PRPF8: variants seen among roughly 807,000 people sequenced by gnomAD.
PRPF8 encodes pre-mRNA processing factor 8, also known as pre-mRNA-processing-splicing factor 8.
Under a neutral mutation model 285.9 loss-of-function variants are expected in PRPF8, and 64 were observed. The ratio of observed to expected loss-of-function variants is 0.22; its 90% confidence interval spans 0.18 to 0.28. The LOEUF is 0.28. Ranked by LOEUF, PRPF8 falls within the 10% of genes least tolerant of loss-of-function variation. PRPF8 has a pLI of 1.00. For synonymous variants in PRPF8, 1,325 were observed against 1,118.2 expected, an observed-to-expected ratio of 1.18 and a Z score of -3.69; for missense variants, 1,426 against 3,026.7, an observed-to-expected ratio of 0.47 and a Z score of 12.41.
In PRPF8 at chr17:1,658,489, C is replaced by T. The variant is rs533051288; in HGVS notation, c.5376+37G>A. The stretch of plus-strand genomic sequence containing the variant: ...CCCATTACTCTCCCACAGCCATGTA[C>T]AGAGTCCCGCACCTATACACTGCTG... On this transcript the variant is annotated intron_variant, in intron 33 of 42. Transcript: ENST00000304992. The surrounding 1 kb of genome is among the most constrained non-coding windows in gnomAD (Gnocchi z 4.1). 27 of 1,611,470 alleles carry T rather than the reference C, an allele frequency of 1.7e-5. No individual in the cohort carries two copies. Among genetic ancestry groups the T allele is most frequent in the Non-Finnish European group, 2.2e-5 (26 of 1,177,724 alleles).
At chr17:1,684,420 C>T in intron 2 of PRPF8, 52 bp downstream of exon 2, 2 of 1,595,050 alleles carry the variant, frequency 1.3e-6, no homozygotes, top group Non-Finnish European at 1.7e-6. Context: ...CCTGCGCGCG[C>T]GCACACCCGC....
intron 24 of PRPF8, among the ~76,000 whole-genome samples, chr17:1,671,904 T>C (rs950302183): frequency 3.4e-5 from 5 of 149,118 alleles, no homozygotes; most frequent in South Asian, 2.1e-4. Flanking sequence ...TGGTGGCGTA[T>C]GCACCTGTGG....
At position 1,661,634 on chromosome 17, in the gene PRPF8, C is replaced by T. The variant is rs1127260; in HGVS notation, c.4179G>A (p.Arg1393=). Residue 1393 remains arginine, a synonymous_variant, in exon 26 of 43, where the codon AGG becomes AGA. Coordinates refer to ENST00000304992, the MANE Select transcript of PRPF8 (RefSeq NM_006445.4). This position sits in a 1 kb window ranked among gnomAD's most constrained non-coding sequence, Gnocchi z 7.3. ...QRVWAEYALK[R]QEAIAQNRRL... ...ACCTGTTCTGAGCAATGGCCTCTTG[C>T]CTCTTGAGTGCGTACTCAGCCCAGA... The T allele has an allele frequency of 6.2e-7, 1 of 1,613,560 alleles. No individual in the cohort carries two copies. The highest frequency in any genetic ancestry group is 8.5e-7 in the Non-Finnish European group (1 of 1,180,040).
Position 1,679,622 on chromosome 17 carries a change from G to C in PRPF8, c.1276C>G (p.Leu426Val), listed in dbSNP as rs952884721. The C allele has an allele frequency of 1.9e-6, 3 of 1,613,540 alleles. No homozygotes were observed. The highest frequency in any genetic ancestry group is 1.7e-6 in the Non-Finnish European group (2 of 1,180,010). ...GAAAAACCTTACCAGTTCTTGACAA[G>C]GGGTATGTCCAGGGCCCGACGGGTG... ...GRTRRALDIPLVKNWYREHCP... is the reference protein window; with the variant it reads ...GRTRRALDIPVVKNWYREHCP... The change falls in exon 9 of 43, where the codon CTT (leucine) becomes GTT (valine). Residue 426 changes from leucine to valine, a missense_variant. By Grantham distance (32) the Leu-to-Val change is conservative. Coordinates refer to ENST00000304992, the MANE Select transcript of PRPF8 (RefSeq NM_006445.4). This position sits in a 1 kb window ranked among gnomAD's most constrained non-coding sequence, Gnocchi z 4.7.
chr17:1,658,980 A>C lies in PRPF8; in HGVS notation c.5139-217T>G. ...AAGTAAAAAAGTATGACTACGTTAA[A>C]GTATGGAGCTAATGGAAAATACACG... On this transcript the variant is annotated intron_variant, in intron 32 of 42. Coordinates refer to ENST00000304992, the MANE Select transcript of PRPF8 (RefSeq NM_006445.4). This position sits in a 1 kb window ranked among gnomAD's most constrained non-coding sequence, Gnocchi z 4.1. 1 of 670,564 alleles carries C rather than the reference A, an allele frequency of 1.5e-6. No homozygotes were observed. Among genetic ancestry groups the C allele is most frequent in the Non-Finnish European group, 2.7e-6 (1 of 371,136 alleles). 41.5% of individuals were successfully genotyped at this position (670,564 alleles called of 1,614,324 possible). A position where few individuals can be genotyped will look rare whatever the true frequency, so the allele number is the denominator to read the frequency against.
chr17:1,663,636 G>A (rs999894712), intron 24 of PRPF8, among the ~76,000 whole-genome samples: 2 of 146,596 alleles, frequency 1.4e-5, no homozygotes, highest in African/African-American at 5.1e-5. Context: ...TTGAACTCGG[G>A]AGGCAGAGGT....
rs1911532159 is a variant in PRPF8 at position 1,658,873 on chromosome 17, ACT to A, written c.5139-112_5139-111del. The A allele has an allele frequency of 1.1e-6, 1 of 947,052 alleles. No homozygotes were observed. Among genetic ancestry groups the A allele is most frequent in the Non-Finnish European group, 1.7e-6 (1 of 587,828 alleles). 58.7% of individuals were successfully genotyped at this position (947,052 alleles called of 1,614,324 possible). ...AAAGACTGTTCGCCAGGCTGACAACACTCTGCTCATGTGTACATACAGGCTGG... is the reference window on the plus strand; with the variant it reads ...AAAGACTGTTCGCCAGGCTGACAACACTGCTCATGTGTACATACAGGCTGG... On this transcript the variant is annotated intron_variant, in intron 32 of 42. Coordinates refer to ENST00000304992, the MANE Select transcript of PRPF8 (RefSeq NM_006445.4). The surrounding 1 kb of genome is among the most constrained non-coding windows in gnomAD (Gnocchi z 4.1).
chr17:1,674,739 G>A (rs1912521075), intron 20 of PRPF8, 59 bp from the exon 21 acceptor site: 2 of 1,531,770 alleles, frequency 1.3e-6, no homozygotes, highest in Non-Finnish European at 1.8e-6. Context: ...ATTCTCCAGA[G>A]TTAACCTCTT....
chr17:1,665,321 C>T (rs547563150), intron 24 of PRPF8, among the ~76,000 whole-genome samples: 109 of 151,490 alleles, frequency 7.2e-4, no homozygotes, highest in Admixed American at 3.4e-3. Flanking sequence ...GGGTGGATCA[C>T]GAGGTCAGGA....
rs376598335 is a variant in PRPF8 at position 1,673,246 on chromosome 17, C to T, written c.3658-49G>A. On this transcript the variant is annotated intron_variant, in intron 23 of 42. Transcript: ENST00000304992. The surrounding 1 kb of genome is among the most constrained non-coding windows in gnomAD (Gnocchi z 5.5). ...CATGTCCGAGGAACTCCCACAGAAG[C>T]AAGAGCCAACTGTGCCCACCACTCA... 1.2e-5 allele frequency: 20 copies of T among 1,605,882 alleles called. No homozygotes were observed. Among genetic ancestry groups the T allele is most frequent in the Non-Finnish European group, 1.6e-5 (19 of 1,172,814 alleles).
chr17:1,684,379 G>A, intron 2 of PRPF8, 93 bp downstream of exon 2: 8 of 1,248,380 alleles, frequency 6.4e-6, no homozygotes, highest in Non-Finnish European at 9.4e-6. Context: ...GACACCTCAG[G>A]AGCTGCCCAA....
Position 1,674,495 on chromosome 17 carries a change from G to A in PRPF8, c.3246C>T (p.Ala1082=). 1 of 1,614,130 alleles carries A rather than the reference G, an allele frequency of 6.2e-7. No individual in the cohort carries two copies. The highest frequency in any genetic ancestry group is 8.5e-7 in the Non-Finnish European group (1 of 1,180,022). The part of the protein sequence containing the change: ...LSFQDIATEA[A]HPIRLFCRYI... Reference sequence around the variant, plus strand: ...ATCTGCAGAAGAGACGGATGGGGTGGGCAGCCTCAGTGGCTATGTCCTGGA... The same window carrying A: ...ATCTGCAGAAGAGACGGATGGGGTGAGCAGCCTCAGTGGCTATGTCCTGGA... Residue 1082 remains alanine, a synonymous_variant, in exon 21 of 43, where the codon GCC becomes GCT. Transcript: ENST00000304992.
chr17:1,676,406 G>C lies in PRPF8; in HGVS notation c.2389-36C>G. The C allele has an allele frequency of 6.2e-7, 1 of 1,614,040 alleles. No homozygotes were observed. The highest frequency in any genetic ancestry group is 1.1e-5 in the South Asian group (1 of 91,082). ...GACATGAAATTAGCCTCCCGCTACA[G>C]CCCGATCCTGCCAGAACAAGGTTCA... On this transcript the variant is annotated intron_variant, in intron 16 of 42. Coordinates refer to ENST00000304992, the MANE Select transcript of PRPF8 (RefSeq NM_006445.4). The surrounding 1 kb of genome is among the most constrained non-coding windows in gnomAD (Gnocchi z 6.3).
In PRPF8 at chr17:1,659,352, C is replaced by A. The variant is rs377003550; in HGVS notation, c.5138+5G>T. 6.2e-7 allele frequency: 1 copy of A among 1,613,948 alleles called. No homozygotes were observed. The highest frequency in any genetic ancestry group is 1.7e-4 in the Middle Eastern group (1 of 6,008). On this transcript the variant is annotated splice_donor_5th_base_variant and intron_variant, in intron 32 of 42. Coordinates refer to ENST00000304992, the MANE Select transcript of PRPF8 (RefSeq NM_006445.4). The surrounding 1 kb of genome is among the most constrained non-coding windows in gnomAD (Gnocchi z 5.1). ...GAAAATACATGGTCCTGAGCCTCAA[C>A]TCACCTGTGCAAGTTATAGGCCAGG...
At chr17:1,654,426 G>A in intron 37 of PRPF8, 1 of 354,896 alleles carries the variant, frequency 2.8e-6, no homozygotes, top group Non-Finnish European at 5.4e-6. Context: ...GAAGGTGTGT[G>A]TGTGTGTTGG....
At chr17:1,660,668 C>T (rs1270549972) in intron 29 of PRPF8, 30 bp downstream of exon 29, 1 of 1,614,074 alleles carries the variant, frequency 6.2e-7, no homozygotes, top group Non-Finnish European at 8.5e-7. Flanking sequence ...CTGTCTTTAG[C>T]TTCCCCTCTC....
intron 24 of PRPF8, among the ~76,000 whole-genome samples, chr17:1,668,563 C>T (rs1322726307): frequency 2.0e-5 from 3 of 151,784 alleles, no homozygotes; most frequent in Non-Finnish European, 2.9e-5. Context: ...GGGGTTTCAC[C>T]GCGTTAGCCA....
intron 24 of PRPF8, among the ~76,000 whole-genome samples, chr17:1,667,391 G>A (rs1341870045): frequency 2.0e-5 from 3 of 152,160 alleles, no homozygotes; most frequent in Non-Finnish European, 4.4e-5. Flanking sequence ...CTAAATAGCA[G>A]AAATTCCTGG....
At position 1,659,701 on chromosome 17, in the gene PRPF8, G is replaced by A; in HGVS notation, c.4946+140C>T. On this transcript the variant is annotated intron_variant, in intron 31 of 42. Transcript: ENST00000304992. The surrounding 1 kb of genome is among the most constrained non-coding windows in gnomAD (Gnocchi z 5.1). ...CAGAGAATCAGCAGATCTGACTAAG[G>A]GTGTTGACAGGCTCCAAGCGTAGCA... 1.5e-6 allele frequency: 2 copies of A among 1,343,046 alleles called. No homozygotes were observed. Among genetic ancestry groups the A allele is most frequent in the Non-Finnish European group, 2.1e-6 (2 of 961,668 alleles). The allele number at this position is 1,343,046 out of a possible 1,614,324, so 83.2% of individuals were successfully genotyped here.
Sources: gnomAD v4.1 joint callset for allele counts (sites outside exome capture counted in the v4.1 genomes callset) on GRCh38, gnomAD v4.1.1 for gene constraint, Gnocchi (gnomAD v3.1) non-coding constraint, MANE v1.5 for transcripts, NCBI Gene and HGNC (gene_info 2026-07-23, HGNC 2026-07-21) for gene names.